ASTN2: variants seen among roughly 807,000 people sequenced by gnomAD.
The protein encoded by ASTN2 is astrotactin-2.
Under a neutral mutation model 139.8 loss-of-function variants are expected in ASTN2, and 54 were observed. The observed-to-expected ratio is 0.39, with a 90% confidence interval of 0.31 to 0.48. The LOEUF (loss-of-function observed/expected upper bound fraction) is 0.48. Among genes scored for constraint, ASTN2 ranks in the 20% least tolerant of loss-of-function variants. The probability of loss-of-function intolerance (pLI) is 0.95; values close to 1 mark genes in which losing one functional copy is unlikely to be tolerated. For synonymous variants in ASTN2, 756 were observed against 719.5 expected (o/e 1.05, Z -0.81); for missense variants, 1,565 against 1,725.1 (o/e 0.91, Z 1.64).
At chr9:117,169,568 C>A (rs892853187) in intron 3 of ASTN2, among the ~76,000 whole-genome samples, 1 of 152,080 alleles carries the variant, frequency 6.6e-6, no homozygotes, top group African/African-American at 2.4e-5. Flanking sequence ...CATTCTGTTC[C>A]CCCAAACAAT....
At chr9:116,928,801 T>C (rs1337788983) in intron 10 of ASTN2, among the ~76,000 whole-genome samples, 4 of 152,114 alleles carry the variant, frequency 2.6e-5, no homozygotes, top group African/African-American at 9.7e-5. Context: ...AGGGCGTTCA[T>C]AGCAACAGTG....
At chr9:117,106,895 C>T (rs1829120111) in intron 4 of ASTN2, among the ~76,000 whole-genome samples, 1 of 152,086 alleles carries the variant, frequency 6.6e-6, no homozygotes, top group Non-Finnish European at 1.5e-5. Context: ...ATGTAATTTA[C>T]ATATGTCATA....
chr9:116,692,113 G>A (rs1056446287), intron 16 of ASTN2, among the ~76,000 whole-genome samples: 4 of 152,194 alleles, frequency 2.6e-5, no homozygotes, highest in Non-Finnish European at 5.9e-5. Flanking sequence ...AAGTTCTCCA[G>A]TTTTGCTCAT....
At chr9:116,641,865 T>G (rs933413171) in intron 17 of ASTN2, among the ~76,000 whole-genome samples, 11 of 152,100 alleles carry the variant, frequency 7.2e-5, no homozygotes, top group African/African-American at 2.7e-4. Flanking sequence ...TCTTCCCTGT[T>G]GCCAAGGATT....
At position 117,046,016 on chromosome 9, in the gene ASTN2, GTATGTATGTA is replaced by G. The variant is rs1838732605; in HGVS notation, c.1277-6061_1277-6052del. Among the ~76,000 whole-genome samples, 28 of 151,564 alleles carry G rather than the reference GTATGTATGTA, an allele frequency of 1.8e-4. 1 individual carries two copies. Among genetic ancestry groups the G allele is most frequent in the Non-Finnish European group, 3.1e-4 (21 of 67,816 alleles). On this transcript the variant is annotated intron_variant, in intron 5 of 22. Coordinates refer to ENST00000313400, the MANE Select transcript of ASTN2 (RefSeq NM_001365068.1). ...CGTATGTATGTATGTATGTATGTAT[GTATGTATGTA>G]GTCTCACTCTGTCACCCAGGCTGGA...
At chr9:116,873,951 C>T (rs1049556128) in intron 10 of ASTN2, among the ~76,000 whole-genome samples, 2 of 152,150 alleles carry the variant, frequency 1.3e-5, no homozygotes. Context: ...GAACACTGAC[C>T]CAATGAAACC....
At chr9:116,535,966 C>T (rs975192747) in intron 19 of ASTN2, among the ~76,000 whole-genome samples, 3 of 152,158 alleles carry the variant, frequency 2.0e-5, no homozygotes, top group Non-Finnish European at 4.4e-5. Flanking sequence ...AACTTGGTTC[C>T]ATTCTCCCCG....
rs189059805 is a variant in ASTN2 at position 116,587,209 on chromosome 9, C to T, written c.3355+31115G>A. 6.1e-3 allele frequency among the ~76,000 whole-genome samples: 926 copies of T among 152,022 alleles called. 14 individuals are homozygous for T. Among genetic ancestry groups the T allele is most frequent in the African/African-American group, 0.021 (888 of 41,442 alleles). On this transcript the variant is annotated intron_variant, in intron 19 of 22. Transcript: ENST00000313400. The stretch of plus-strand genomic sequence containing the variant: ...TACAAAAACTAGCTGGGTGTGGTGA[C>T]GCATGCCTGTAATCCCAGCTACTTG...
chr9:116,975,171 GA>G, intron 10 of ASTN2, 36 bp downstream of exon 10: 1 of 1,522,592 alleles, frequency 6.6e-7, no homozygotes, highest in East Asian at 2.4e-5. Context: ...AAGGTTTTAA[GA>G]AGTACCTATG....
intron 7 of ASTN2, among the ~76,000 whole-genome samples, chr9:117,005,080 A>AT (rs35759848): frequency 0.42 from 30,602 of 73,558 alleles, 8,977 homozygotes; most frequent in South Asian, 0.58. Context: ...CCTGTAGTCG[A>AT]TTTTTTTTTT....
intron 7 of ASTN2, among the ~76,000 whole-genome samples, chr9:116,994,332 T>C (rs1203337425): frequency 6.6e-6 from 1 of 152,220 alleles, no homozygotes; most frequent in Non-Finnish European, 1.5e-5. Flanking sequence ...TATAGTTTGC[T>C]GACTCCTGCA....
chr9:117,321,972 T>G (rs1828337551), intron 1 of ASTN2, among the ~76,000 whole-genome samples: 1 of 152,206 alleles, frequency 6.6e-6, no homozygotes, highest in Admixed American at 6.5e-5. Context: ...GAAAATTTAC[T>G]AATCCAATTA....
chr9:116,665,430 A>C (rs540324146), intron 16 of ASTN2, among the ~76,000 whole-genome samples: 1 of 152,330 alleles, frequency 6.6e-6, no homozygotes, highest in South Asian at 2.1e-4. Flanking sequence ...GGAAATCATA[A>C]AAACTTACGA....
At position 117,144,646 on chromosome 9, in the gene ASTN2, AGGAGT is replaced by A. The variant is rs1197060893; in HGVS notation, c.1016-3173_1016-3169del. On this transcript the variant is annotated intron_variant, in intron 3 of 22. Coordinates refer to ENST00000313400, the MANE Select transcript of ASTN2 (RefSeq NM_001365068.1). ...AACACTGTAAGAGATGACATTTGAG[AGGAGT>A]GAACACTAGTTTTTTTTTTTTTTTT... Among the ~76,000 whole-genome samples the A allele has an allele frequency of 8.9e-5, 12 of 134,678 alleles. No individual in the cohort carries two copies. The South Asian group carries it at 1.5e-3, about 17-fold the overall frequency. The allele number at this position is 134,678 out of a possible 152,430, so 88.4% of individuals were successfully genotyped here.
At chr9:116,710,490 G>T (rs558015673) in intron 16 of ASTN2, among the ~76,000 whole-genome samples, 1 of 129,732 alleles carries the variant, frequency 7.7e-6, no homozygotes, top group South Asian at 3.0e-4. Context: ...CAGCATTTTG[G>T]GAGGCCAAGG....
chr9:116,818,367 T>C (rs1831393863), intron 12 of ASTN2, among the ~76,000 whole-genome samples: 1 of 152,244 alleles, frequency 6.6e-6, no homozygotes, highest in Non-Finnish European at 1.5e-5. Flanking sequence ...CTCTCACAAG[T>C]ATCTGCTAAT....
At chr9:117,244,619 GGAAGAGAGGGAGGGAT>G (rs1833320600) in intron 2 of ASTN2, among the ~76,000 whole-genome samples, 1 of 137,262 alleles carries the variant, frequency 7.3e-6, no homozygotes, top group African/African-American at 2.8e-5. Context: ...AGGGAGGGAG[GGAAGAGAGGGAGGGAT>G]GGAGGAAGGA....
intron 17 of ASTN2, among the ~76,000 whole-genome samples, chr9:116,627,684 T>C (rs561237630): frequency 5.3e-5 from 8 of 152,170 alleles, no homozygotes; most frequent in Middle Eastern, 3.2e-3. Flanking sequence ...CGCTAAAATG[T>C]AGTAGAACCA....
chr9:116,459,913 G>A (rs972486635), intron 20 of ASTN2, among the ~76,000 whole-genome samples: 6 of 151,956 alleles, frequency 3.9e-5, no homozygotes, highest in Non-Finnish European at 5.9e-5. Flanking sequence ...ATCTAACCAA[G>A]AGAACTGAAA....
Sources: gnomAD v4.1 joint callset for allele counts (sites outside exome capture counted in the v4.1 genomes callset) on GRCh38, gnomAD v4.1.1 for gene constraint, MANE v1.5 for transcripts, NCBI Gene and HGNC (gene_info 2026-07-23, HGNC 2026-07-21) for gene names.